Variants in SORBS2 observed in about 807,000 individuals in gnomAD.
The protein encoded by SORBS2 is sorbin and SH3 domain containing 2, also known as sorbin and SH3 domain-containing protein 2.
SORBS2 carries 46 observed loss-of-function variants against 97.7 expected under a neutral mutation model. The observed-to-expected ratio is 0.47, with a 90% CI of 0.37 to 0.60. The LOEUF (loss-of-function observed/expected upper bound fraction) is 0.60. Among genes scored for constraint, SORBS2 ranks in the 20% least tolerant of loss-of-function variants. The pLI is 0.00. For synonymous variants in SORBS2, 476 were observed against 473.4 expected (o/e 1.01, Z -0.07); for missense variants, 1,316 against 1,282.3 (o/e 1.03, Z -0.40).
intron 5 of SORBS2, among the ~76,000 whole-genome samples, chr4:185,628,284 CA>C (rs1202679685): frequency 6.8e-6 from 1 of 147,260 alleles, no homozygotes; most frequent in Non-Finnish European, 1.5e-5. Context: ...GGAGTTCTAA[CA>C]ACATGAATAT....
intron 1 of SORBS2, among the ~76,000 whole-genome samples, chr4:185,887,956 ATATATGTGTGTG>A (rs2099240493): frequency 1.0e-5 from 1 of 96,960 alleles, no homozygotes; most frequent in Admixed American, 1.1e-4. Flanking sequence ...CATAGTATAT[ATATATGTGTGTG>A]TGTGTGTGTG....
intron 1 of SORBS2, among the ~76,000 whole-genome samples, chr4:185,869,619 CAG>C (rs2099229261): frequency 6.6e-6 from 1 of 152,242 alleles, no homozygotes; most frequent in Non-Finnish European, 1.5e-5. Flanking sequence ...CTGGCTGAAA[CAG>C]ATGCTGGAAA....
intron 11 of SORBS2, among the ~76,000 whole-genome samples, chr4:185,612,677 T>G (rs954141602): frequency 1.6e-4 from 25 of 151,904 alleles, no homozygotes; most frequent in African/African-American, 5.8e-4. Flanking sequence ...TTAGCAGAGA[T>G]AGGGGTTTCA....
intron 1 of SORBS2, among the ~76,000 whole-genome samples, chr4:185,794,050 A>T (rs1421369666): frequency 6.6e-6 from 1 of 152,260 alleles, no homozygotes; most frequent in Non-Finnish European, 1.5e-5. Flanking sequence ...AAGTCTGTCA[A>T]AAAGCATTTG....
intron 1 of SORBS2, among the ~76,000 whole-genome samples, chr4:185,932,091 T>C (rs891654114): frequency 1.3e-5 from 2 of 150,568 alleles, no homozygotes; most frequent in African/African-American, 4.9e-5. Flanking sequence ...TATATGTGTG[T>C]GTTTATTATA....
At chr4:185,626,905 G>A (rs1200483032) in exon 6 of SORBS2, 1 of 1,614,188 alleles carries the variant, frequency 6.2e-7, no homozygotes, top group Non-Finnish European at 8.5e-7. Flanking sequence ...ATCCTGGGAG[G>A]TCCACTCGGC....
At position 185,776,860 on chromosome 4, in the gene SORBS2, A is replaced by G. The variant is rs562907267; in HGVS notation, c.-337-1494T>C. Among the ~76,000 whole-genome samples, 3 of 149,422 alleles carry G rather than the reference A, an allele frequency of 2.0e-5. No individual in the cohort carries two copies. In the South Asian group the frequency reaches 6.4e-4, roughly 32 times the overall value. On this transcript the variant is annotated intron_variant, in intron 1 of 20. Transcript: ENST00000284776. Reference sequence around the variant, plus strand: ...GGTTGCGGTGAGCTGAGATCGCACCAGTGCACTCCAGCCTGGGCAACAGAG... The same window carrying G: ...GGTTGCGGTGAGCTGAGATCGCACCGGTGCACTCCAGCCTGGGCAACAGAG...
chr4:185,666,782 T>C (rs910545984), intron 4 of SORBS2, among the ~76,000 whole-genome samples: 1 of 152,194 alleles, frequency 6.6e-6, no homozygotes, highest in African/African-American at 2.4e-5. Context: ...AATTGGACTT[T>C]AAAATATCCT....
At chr4:185,728,516 G>A (rs770003305) in intron 2 of SORBS2, among the ~76,000 whole-genome samples, 3 of 151,994 alleles carry the variant, frequency 2.0e-5, no homozygotes, top group Non-Finnish European at 2.9e-5. Flanking sequence ...CATGGTGGTC[G>A]GTAAGATGAT....
chr4:185,788,263 A>G (rs1392223618), intron 1 of SORBS2, among the ~76,000 whole-genome samples: 1 of 152,270 alleles, frequency 6.6e-6, no homozygotes, highest in Non-Finnish European at 1.5e-5. Context: ...AGAGGTTTTC[A>G]TAGAGAAAGA....
At chr4:185,916,043 T>G (rs914988098) in intron 1 of SORBS2, among the ~76,000 whole-genome samples, 12 of 151,878 alleles carry the variant, frequency 7.9e-5, no homozygotes, top group Non-Finnish European at 1.8e-4. Context: ...AAATGGCAGG[T>G]GGATAAGTAA....
chr4:185,730,310 C>A, intron 2 of SORBS2, among the ~76,000 whole-genome samples: 1 of 125,276 alleles, frequency 8.0e-6, no homozygotes, highest in African/African-American at 3.1e-5. Flanking sequence ...AATATACTTT[C>A]TTTTTTTTTT....
At position 185,623,368 on chromosome 4, in the gene SORBS2, C is replaced by G. The variant is rs1406704429; in HGVS notation, c.1761G>C (p.Glu587Asp). 3.1e-6 allele frequency: 5 copies of G among 1,613,330 alleles called. No homozygotes were observed. In the East Asian group the frequency reaches 1.1e-4, roughly 36 times the overall value. Residue 587 changes from glutamate to aspartate, a missense_variant, in exon 7 of 15, where the codon GAG becomes GAC. By Grantham distance (45) the Glu-to-Asp change is conservative. Coordinates refer to ENST00000418609, the Ensembl canonical transcript of SORBS2. The surrounding 1 kb of genome is among the most constrained non-coding windows in gnomAD (Gnocchi z 6.4). ...GGTCCATTTCTTGCCTTCTGGGCTC[C>G]TCGGTGTTTTCGTGTCTGGCTCTTT...
At chr4:185,743,804 CTCCTCCTTCT>C (rs1329993220) in intron 2 of SORBS2, among the ~76,000 whole-genome samples, 1 of 149,524 alleles carries the variant, frequency 6.7e-6, no homozygotes, top group Non-Finnish European at 1.5e-5. Flanking sequence ...ATTCCTCTTC[CTCCTCCTTCT>C]TCCTCTTCTT....
At position 185,723,448 on chromosome 4, in the gene SORBS2, T is replaced by G. The variant is rs74374062; in HGVS notation, c.-197-44626A>C. ...TATTTAACAGAGCAATCTATTTCCATGAGGTTCGTGAGAAAATAATTCAGA... is the reference window on the plus strand; with the variant it reads ...TATTTAACAGAGCAATCTATTTCCAGGAGGTTCGTGAGAAAATAATTCAGA... On this transcript the variant is annotated intron_variant, in intron 2 of 20. Coordinates refer to the SORBS2 transcript ENST00000284776. Among the ~76,000 whole-genome samples, 396 of 152,320 alleles carry G rather than the reference T, an allele frequency of 2.6e-3. 5 individuals carry two copies. The South Asian group carries it at 0.039, about 15-fold the overall frequency.
intron 1 of SORBS2, among the ~76,000 whole-genome samples, chr4:185,784,093 C>G (rs2099044237): frequency 6.6e-6 from 1 of 152,128 alleles, no homozygotes; most frequent in East Asian, 1.9e-4. Context: ...TTCATATGCA[C>G]AGTAACGACA....
intron 1 of SORBS2, among the ~76,000 whole-genome samples, chr4:185,786,833 G>A (rs1313117173): frequency 6.6e-6 from 1 of 152,070 alleles, no homozygotes; most frequent in Middle Eastern, 3.2e-3. Flanking sequence ...GTGGTGGTGT[G>A]TACCTGTAAT....
intron 3 of SORBS2, among the ~76,000 whole-genome samples, chr4:185,647,990 C>A (rs894600085): frequency 2.6e-5 from 4 of 152,158 alleles, no homozygotes; most frequent in African/African-American, 9.7e-5. Context: ...AAAACTGTTT[C>A]TCAATTTTAA....
Position 185,623,548 on chromosome 4 carries a change from G to C in SORBS2, c.1581C>G (p.Asp527Glu). 6.2e-7 allele frequency: 1 copy of C among 1,614,084 alleles called. No individual in the cohort carries two copies. Residue 527 changes from aspartate (D) to glutamate (E), a missense_variant, in exon 7 of 15, where the codon GAC (aspartate) becomes GAG (glutamate). By Grantham distance (45) the Asp-to-Glu change is conservative. Transcript: ENST00000418609. The surrounding 1 kb of genome is among the most constrained non-coding windows in gnomAD (Gnocchi z 6.4). ...AGGATGTGAAGGAAAAGTGATCAAAGTCACTTTCACTGCAGAAGGATGACC... is the reference window on the plus strand; with the variant it reads ...AGGATGTGAAGGAAAAGTGATCAAACTCACTTTCACTGCAGAAGGATGACC...
Sources: allele counts gnomAD v4.1 joint callset (sites outside exome capture counted in the v4.1 genomes callset), GRCh38; gene constraint gnomAD v4.1.1; non-coding constraint Gnocchi (gnomAD v3.1); transcripts MANE v1.5; gene names NCBI Gene and HGNC (gene_info 2026-07-23, HGNC 2026-07-21).